Variants in NKAIN3 observed in about 807,000 individuals in gnomAD.
NKAIN3 encodes the protein sodium/potassium transporting ATPase interacting 3.
In NKAIN3, 25 loss-of-function variants were observed where a neutral mutation model predicts 30.2. That is an observed-to-expected ratio of 0.83 (90% CI 0.60 to 1.16). NKAIN3 has a LOEUF of 1.16. NKAIN3 is among the 50% of genes most tolerant of loss of function. The pLI is 0.00. For missense variants in NKAIN3, 225 were observed against 254.1 expected (o/e 0.89, Z 0.78); for synonymous variants, 91 against 89.6 (o/e 1.02, Z -0.09).
rs541177035 is a variant in NKAIN3, at chr8:62,805,514, T to G, written c.471+58385T>G. Among the ~76,000 whole-genome samples, 250 of 152,322 alleles carry G rather than the reference T, an allele frequency of 1.6e-3. 1 individual carries two copies. Among genetic ancestry groups the G allele is most frequent in the African/African-American group, 5.6e-3 (234 of 41,576 alleles). On this transcript the variant is annotated intron_variant, in intron 4 of 6. Coordinates refer to ENST00000623646, the MANE Select transcript of NKAIN3 (RefSeq NM_001304533.3). ...ATAATGCCACATATCTACAACTATC[T>G]GATCTTTGACAAACCTGAGAAAAAC...
intron 3 of NKAIN3, among the ~76,000 whole-genome samples, chr8:62,611,357 G>C (rs1425686094): frequency 1.6e-4 from 25 of 152,016 alleles, no homozygotes; most frequent in Admixed American, 1.6e-3. Context: ...TTATTGACTA[G>C]AGTCACCCTA....
intron 1 of NKAIN3, among the ~76,000 whole-genome samples, chr8:62,472,385 A>T (rs892901650): frequency 6.6e-6 from 1 of 152,224 alleles, no homozygotes; most frequent in Non-Finnish European, 1.5e-5. Context: ...GATGGGCAAG[A>T]TACCAATCTT....
intron 3 of NKAIN3, among the ~76,000 whole-genome samples, chr8:62,670,456 G>C (rs1388360239): frequency 6.6e-6 from 1 of 152,132 alleles, no homozygotes; most frequent in East Asian, 1.9e-4. Flanking sequence ...AACGAAGAAA[G>C]CAGTTACCAT....
chr8:62,415,555 C>T (rs1276193144), intron 1 of NKAIN3, among the ~76,000 whole-genome samples: 1 of 150,468 alleles, frequency 6.6e-6, no homozygotes, highest in Non-Finnish European at 1.5e-5. Context: ...AGACTCCACT[C>T]TTTCAACACC....
intron 1 of NKAIN3, among the ~76,000 whole-genome samples, chr8:62,335,768 C>G (rs1287249798): frequency 6.6e-6 from 1 of 152,018 alleles, no homozygotes; most frequent in Non-Finnish European, 1.5e-5. Flanking sequence ...CCCTGGCTCT[C>G]CGTTTCTCTC....
intron 1 of NKAIN3, among the ~76,000 whole-genome samples, chr8:62,262,892 A>G (rs1463370689): frequency 1.3e-5 from 2 of 152,172 alleles, no homozygotes; most frequent in African/African-American, 4.8e-5. Context: ...CTAATGATAC[A>G]TTTATTAGAG....
At position 62,454,301 on chromosome 8, in the gene NKAIN3, C is replaced by CAAAAAAAAAAAAAAA. The variant is rs201511724; in HGVS notation, c.55-125230_55-125216dup. Among the ~76,000 whole-genome samples, 208 of 56,136 alleles carry CAAAAAAAAAAAAAAA rather than the reference C, an allele frequency of 3.7e-3. 14 individuals carry two copies. The highest frequency in any genetic ancestry group is 4.8e-3 in the African/African-American group (86 of 17,794). The allele number at this position is 56,136 out of a possible 152,430, so 36.8% of individuals were successfully genotyped here. A position where few individuals can be genotyped will look rare whatever the true frequency, so the allele number is the denominator to read the frequency against. On this transcript the variant is annotated intron_variant, in intron 1 of 6. Coordinates refer to ENST00000623646, the MANE Select transcript of NKAIN3 (RefSeq NM_001304533.3). ...ACCAACACTAACAATAGCTGATGTG[C>CAAAAAAAAAAAAAAA]AAAAAAAAAAAAAAAAAAAAAATCT... is the stretch of plus-strand genomic sequence containing the variant.
At chr8:62,487,372 G>A (rs1255583753) in intron 1 of NKAIN3, among the ~76,000 whole-genome samples, 6 of 152,136 alleles carry the variant, frequency 3.9e-5, no homozygotes, top group African/African-American at 9.7e-5. Context: ...CACTTTTCAC[G>A]GATGGCAGTA....
At chr8:62,697,266 C>T (rs1025205050) in intron 3 of NKAIN3, among the ~76,000 whole-genome samples, 10 of 152,168 alleles carry the variant, frequency 6.6e-5, no homozygotes, top group Non-Finnish European at 1.3e-4. Context: ...TAGCCTCATC[C>T]TCTGCCCTAC....
intron 1 of NKAIN3, 48 bp from the exon 2 acceptor site, chr8:62,579,491 T>C (rs887423247): frequency 6.8e-7 from 1 of 1,478,346 alleles, no homozygotes; most frequent in African/African-American, 1.4e-5. Context: ...TAAAATAGTA[T>C]GATGATGCTT....
intron 3 of NKAIN3, among the ~76,000 whole-genome samples, chr8:62,620,372 A>G (rs1189775009): frequency 6.6e-6 from 1 of 152,136 alleles, no homozygotes; most frequent in Non-Finnish European, 1.5e-5. Flanking sequence ...CTCCATGCAC[A>G]TTCTGTTTCT....
chr8:62,896,685 A>G lies in NKAIN3; in HGVS notation c.472-21768A>G, dbSNP rs558771731. Among the ~76,000 whole-genome samples, 3 of 152,308 alleles carry G rather than the reference A, an allele frequency of 2.0e-5. No homozygotes were observed. The South Asian group carries it at 6.2e-4, about 32-fold the overall frequency. On this transcript the variant is annotated intron_variant, in intron 4 of 6. Coordinates refer to ENST00000623646, the MANE Select transcript of NKAIN3 (RefSeq NM_001304533.3). Reference sequence around the variant, plus strand: ...AGAACTGCTTCTAGGTGCTGGGGCCAGGCTGAAATGCAGAGGTTGGTTAAG... The same window carrying G: ...AGAACTGCTTCTAGGTGCTGGGGCCGGGCTGAAATGCAGAGGTTGGTTAAG...
intron 4 of NKAIN3, among the ~76,000 whole-genome samples, chr8:62,890,385 C>T (rs982428396): frequency 6.6e-6 from 1 of 152,218 alleles, no homozygotes; most frequent in Non-Finnish European, 1.5e-5. Context: ...ATATGTCATA[C>T]AGGTACTTTC....
At chr8:62,845,360 TC>T (rs1483109376) in intron 4 of NKAIN3, among the ~76,000 whole-genome samples, 4 of 142,968 alleles carry the variant, frequency 2.8e-5, no homozygotes, top group African/African-American at 1.0e-4. Flanking sequence ...CAAAGATTCT[TC>T]CCCCAACTCT....
Position 62,976,105 on chromosome 8 carries a change from A to G in NKAIN3, c.*10698A>G, listed in dbSNP as rs1350337460. Among the ~76,000 whole-genome samples the G allele has an allele frequency of 1.3e-5, 2 of 152,134 alleles. No homozygotes were observed. The highest frequency in any genetic ancestry group is 2.1e-4 in the South Asian group (1 of 4,830). On this transcript the variant is annotated 3_prime_UTR_variant, in exon 7 of 7. Transcript: ENST00000623646. ...GCTGATGAGTGTTTTACTTCCAGTT[A>G]TGTGGTCGATTTTAGGAAAATGTGC...
At chr8:62,950,779 C>T (rs1823261963) in intron 5 of NKAIN3, among the ~76,000 whole-genome samples, 1 of 150,308 alleles carries the variant, frequency 6.7e-6, no homozygotes, top group Admixed American at 6.8e-5. Flanking sequence ...GTTGCCCTGG[C>T]ACTTTATCTG....
intron 4 of NKAIN3, among the ~76,000 whole-genome samples, chr8:62,840,433 A>G (rs2130758849): frequency 6.6e-6 from 1 of 152,074 alleles, no homozygotes; most frequent in African/African-American, 2.4e-5. Context: ...ACAAAAAAAA[A>G]AAAAACAATC....
intron 3 of NKAIN3, among the ~76,000 whole-genome samples, chr8:62,665,975 GGAGGCT>G (rs1438431926): frequency 6.6e-6 from 1 of 152,140 alleles, no homozygotes; most frequent in African/African-American, 2.4e-5. Context: ...CACCAGTTTG[GGAGGCT>G]GAGGCAGGTG....
At chr8:62,366,269 C>T (rs1291468282) in intron 1 of NKAIN3, among the ~76,000 whole-genome samples, 2 of 150,646 alleles carry the variant, frequency 1.3e-5, no homozygotes, top group African/African-American at 4.9e-5. Context: ...CTCTGTCACC[C>T]AGGCTGGAGT....
Sources: allele counts gnomAD v4.1 joint callset (sites outside exome capture counted in the v4.1 genomes callset), GRCh38; gene constraint gnomAD v4.1.1; transcripts MANE v1.5; gene names NCBI Gene and HGNC (gene_info 2026-07-23, HGNC 2026-07-21).